NALCN: variants seen among roughly 807,000 people sequenced by gnomAD.
The protein encoded by NALCN is sodium leak channel NALCN.
In NALCN, 111 loss-of-function variants were observed where a neutral mutation model predicts 225.3. That is an observed-to-expected ratio of 0.49 (90% CI 0.42 to 0.58). The LOEUF is 0.58. NALCN is among the 20% of genes least tolerant of loss of function. The pLI is 0.00. For synonymous variants in NALCN, 764 were observed against 769.0 expected (o/e 0.99, Z 0.11); for missense variants, 1,378 against 2,202.4 (o/e 0.63, Z 7.49).
chr13:101,116,139 G>A (rs1025786076), intron 18 of NALCN, among the ~76,000 whole-genome samples: 2 of 152,066 alleles, frequency 1.3e-5, no homozygotes, highest in African/African-American at 4.8e-5. Flanking sequence ...GGACCCCTGA[G>A]GATGATTCAA....
intron 11 of NALCN, among the ~76,000 whole-genome samples, chr13:101,253,719 A>G (rs1421842769): frequency 6.6e-6 from 1 of 152,172 alleles, no homozygotes; most frequent in African/African-American, 2.4e-5. Context: ...TATAGCTTAA[A>G]CCAAGATCCA....
intron 10 of NALCN, among the ~76,000 whole-genome samples, chr13:101,263,750 C>T (rs2042508203): frequency 6.6e-6 from 1 of 152,154 alleles, no homozygotes; most frequent in Non-Finnish European, 1.5e-5. Flanking sequence ...CATTGCTTAG[C>T]TGACTTTCTC....
At chr13:101,202,741 C>A (rs1350241733) in intron 13 of NALCN, among the ~76,000 whole-genome samples, 1 of 152,196 alleles carries the variant, frequency 6.6e-6, no homozygotes, top group African/African-American at 2.4e-5. Flanking sequence ...TAGTACATGC[C>A]TATCAGCCAG....
At chr13:101,133,337 A>G (rs897655938) in intron 17 of NALCN, among the ~76,000 whole-genome samples, 4 of 152,160 alleles carry the variant, frequency 2.6e-5, no homozygotes, top group African/African-American at 9.7e-5. Context: ...GAGTGGCTCC[A>G]TTTTTCTTTT....
At chr13:101,238,032 G>A in intron 11 of NALCN, 110 bp from the exon 12 acceptor site, 1 of 859,078 alleles carries the variant, frequency 1.2e-6, no homozygotes, top group Non-Finnish European at 1.8e-6. Flanking sequence ...ATACACTAAG[G>A]TGCCCCATAA....
At chr13:101,258,747 T>G (rs1454821029) in intron 10 of NALCN, among the ~76,000 whole-genome samples, 173 bp from the exon 11 acceptor site, 3 of 152,224 alleles carry the variant, frequency 2.0e-5, no homozygotes, top group African/African-American at 4.8e-5. Flanking sequence ...CAAGGGAACC[T>G]TTCTTTCAGG....
chr13:101,235,425 G>A (rs72652961), intron 12 of NALCN, among the ~76,000 whole-genome samples: 2,677 of 152,206 alleles, frequency 0.018, 26 homozygotes, highest in Non-Finnish European at 0.026. Flanking sequence ...TAATAGCTTT[G>A]TAAAAAAGGT....
intron 10 of NALCN, among the ~76,000 whole-genome samples, chr13:101,283,585 C>T (rs1202178389): frequency 1.3e-5 from 2 of 152,146 alleles, no homozygotes; most frequent in Non-Finnish European, 2.9e-5. Context: ...TTCCCAGTTA[C>T]TCGGGGAGGT....
Position 101,062,076 on chromosome 13 carries a change from C to T in NALCN, c.4647G>A (p.Gln1549=). Residue 1549 remains glutamine (Q), a synonymous_variant, in exon 41 of 44, where the codon CAG becomes CAA. Coordinates refer to ENST00000251127, the MANE Select transcript of NALCN (RefSeq NM_052867.4). ...YRSVDIRKSL[Q]LEELLAREQL... ...GCTCCCTCGCCAGGAGTTCCTCCAG[C>T]TGCAAGCTCTTCCGGATGTCCACGG... 4 of 1,614,172 alleles carry T rather than the reference C, an allele frequency of 2.5e-6. No individual in the cohort carries two copies. The highest frequency in any genetic ancestry group is 1.6e-4 in the Middle Eastern group (1 of 6,062).
In NALCN at chr13:101,127,121, G is replaced by A. The variant is rs150545203; in HGVS notation, c.2119-2440C>T. Among the ~76,000 whole-genome samples the A allele has an allele frequency of 6.8e-3, 1,029 of 152,266 alleles. 12 individuals carry two copies. Among genetic ancestry groups the A allele is most frequent in the African/African-American group, 0.023 (973 of 41,554 alleles). ...TTATCTACTGCCCCTGCAATTTCAC[G>A]TTAGGAAAAACTTTTGGGATAATAT... is the stretch of plus-strand genomic sequence containing the variant. On this transcript the variant is annotated intron_variant, in intron 17 of 43. Transcript: ENST00000251127.
chr13:101,368,893 C>G, intron 6 of NALCN: 1 of 211,850 alleles, frequency 4.7e-6, no homozygotes, highest in Non-Finnish European at 9.9e-6. Flanking sequence ...GTAGTCCCAG[C>G]TACTTGGGGG....
chr13:101,126,028 T>C (rs1160261461), intron 17 of NALCN, among the ~76,000 whole-genome samples: 1 of 152,150 alleles, frequency 6.6e-6, no homozygotes. Context: ...AAGGGTTAGG[T>C]ATGTTGAGGT....
intron 12 of NALCN, among the ~76,000 whole-genome samples, chr13:101,235,073 T>C (rs2041503050): frequency 6.6e-6 from 1 of 151,668 alleles, no homozygotes; most frequent in Non-Finnish European, 1.5e-5. Flanking sequence ...AATAAATATA[T>C]ACATACATAT....
At position 101,101,275 on chromosome 13, in the gene NALCN, T is replaced by A. The variant is rs969943806; in HGVS notation, c.3058-387A>T. On this transcript the variant is annotated intron_variant, in intron 26 of 43. Transcript: ENST00000251127. ...CAAATGGACATATATATATTTATTT[T>A]TTTTTCTTTTTTTTTTTTTTTTTGA... is the stretch of plus-strand genomic sequence containing the variant. 6.8e-5 allele frequency among the ~76,000 whole-genome samples: 7 copies of A among 103,596 alleles called. No homozygotes were observed. In the South Asian group the frequency reaches 1.0e-3, roughly 16 times the overall value. 68.0% of individuals were successfully genotyped at this position (103,596 alleles called of 152,430 possible).
At chr13:101,389,327 C>A (rs1594773921) in intron 3 of NALCN, among the ~76,000 whole-genome samples, 2 of 152,296 alleles carry the variant, frequency 1.3e-5, no homozygotes, top group South Asian at 4.1e-4. Flanking sequence ...GAAATGTAAA[C>A]TGGTAGGCTG....
intron 17 of NALCN, among the ~76,000 whole-genome samples, chr13:101,138,440 G>A (rs778030557): frequency 6.6e-6 from 1 of 152,184 alleles, no homozygotes; most frequent in Non-Finnish European, 1.5e-5. Context: ...ACAAGAGGGT[G>A]GGCAGATATT....
intron 7 of NALCN, among the ~76,000 whole-genome samples, chr13:101,336,031 T>G (rs568916175): frequency 6.6e-6 from 1 of 152,190 alleles, no homozygotes; most frequent in Admixed American, 6.5e-5. Context: ...TAACATCAGA[T>G]GTAATAAGAG....
chr13:101,313,925 C>T lies in NALCN; in HGVS notation c.800-21559G>A, dbSNP rs530579180. ...TGGAACCAACCCAAATGTCCAACAA[C>T]GAGAGACTGGATTAGGAAAATGTGG... On this transcript the variant is annotated intron_variant, in intron 7 of 43. Transcript: ENST00000251127. Among the ~76,000 whole-genome samples the T allele has an allele frequency of 8.6e-5, 13 of 151,956 alleles. No individual in the cohort carries two copies. The East Asian group carries it at 1.2e-3, about 14-fold the overall frequency.
chr13:101,225,943 C>G (rs1376746614), intron 13 of NALCN, among the ~76,000 whole-genome samples: 1 of 152,090 alleles, frequency 6.6e-6, no homozygotes, highest in African/African-American at 2.4e-5. Flanking sequence ...CTAAAAACAT[C>G]TACAGATGGC....
Sources: allele counts gnomAD v4.1 joint callset (sites outside exome capture counted in the v4.1 genomes callset), GRCh38; gene constraint gnomAD v4.1.1; transcripts MANE v1.5; gene names NCBI Gene and HGNC (gene_info 2026-07-23, HGNC 2026-07-21).